Variants in SIK3 observed in about 807,000 individuals in gnomAD.
SIK3 encodes the protein SIK family kinase 3.
A neutral mutation model predicts 144.2 loss-of-function variants in SIK3; 28 were observed. That is an observed-to-expected ratio of 0.19 (90% CI 0.14 to 0.27). The LOEUF (loss-of-function observed/expected upper bound fraction) is 0.27, where lower values mean the gene tolerates loss of function less well. SIK3 is among the 10% of genes least tolerant of loss of function. SIK3 has a pLI of 1.00. For missense variants in SIK3, 1,319 were observed against 1,776.0 expected, an observed-to-expected ratio of 0.74 and a Z score of 4.62; for synonymous variants, 686 against 676.3, an observed-to-expected ratio of 1.01 and a Z score of -0.22.
intron 3 of SIK3, among the ~76,000 whole-genome samples, chr11:116,944,413 G>A (rs1231113210): frequency 2.0e-5 from 3 of 152,120 alleles, no homozygotes; most frequent in Non-Finnish European, 4.4e-5. Context: ...TTGACGTGTG[G>A]GCTTTGGGTC....
intron 1 of SIK3, among the ~76,000 whole-genome samples, chr11:117,079,562 A>C (rs59752757): frequency 0.056 from 8,536 of 152,244 alleles, 527 homozygotes; most frequent in African/African-American, 0.15. Flanking sequence ...CACAAAAATA[A>C]ATGTAAATTT....
chr11:117,024,095 T>C (rs1052055863), intron 1 of SIK3, among the ~76,000 whole-genome samples: 1 of 152,102 alleles, frequency 6.6e-6, no homozygotes, highest in African/African-American at 2.4e-5. Context: ...TTACTAGCCC[T>C]GTAAAATCAT....
intron 1 of SIK3, among the ~76,000 whole-genome samples, chr11:117,078,287 C>A (rs1402869809): frequency 6.6e-6 from 1 of 152,088 alleles, no homozygotes; most frequent in Admixed American, 6.6e-5. Flanking sequence ...GATTATTCAG[C>A]AATGTTATCT....
At chr11:116,909,015 A>C (rs1946200037) in intron 4 of SIK3, among the ~76,000 whole-genome samples, 1 of 152,224 alleles carries the variant, frequency 6.6e-6, no homozygotes, top group Admixed American at 6.5e-5. Context: ...TCTGCTTTTA[A>C]AATAGCTATT....
At chr11:116,936,787 C>T (rs57984795) in intron 3 of SIK3, among the ~76,000 whole-genome samples, 2,160 of 152,264 alleles carry the variant, frequency 0.014, 65 homozygotes, top group African/African-American at 0.049. Context: ...AATCTCACAG[C>T]CTACAATATA....
chr11:117,086,890 G>A (rs1407677399), intron 1 of SIK3, among the ~76,000 whole-genome samples: 3 of 151,496 alleles, frequency 2.0e-5, no homozygotes, highest in African/African-American at 7.3e-5. Flanking sequence ...AGCTACTGAG[G>A]AGGCTGAGGC....
At chr11:117,033,719 A>G (rs938733282) in intron 1 of SIK3, among the ~76,000 whole-genome samples, 17 of 151,596 alleles carry the variant, frequency 1.1e-4, no homozygotes, top group Admixed American at 4.6e-4. Context: ...AAAAAAAAAA[A>G]AAAAAGAAAG....
At chr11:116,891,630 A>C (rs1252757954) in intron 6 of SIK3, among the ~76,000 whole-genome samples, 1 of 152,162 alleles carries the variant, frequency 6.6e-6, no homozygotes, top group Non-Finnish European at 1.5e-5. Context: ...TTCAGGCTAG[A>C]AAATGATATA....
At position 116,875,266 on chromosome 11, in the gene SIK3, G is replaced by T; in HGVS notation, c.1319C>A (p.Pro440Gln). 2 of 1,613,990 alleles carry T rather than the reference G, an allele frequency of 1.2e-6. No individual in the cohort carries two copies. ...LINPENQIVE[P>Q]DGTLNLDSDE... is the part of the protein sequence containing the mutation. Reference sequence around the variant, plus strand: ...ACTGTCCAAATTCAGTGTCCCATCCGGCTGAGGTGGAGGGAAACACCATCG... The same window carrying T: ...ACTGTCCAAATTCAGTGTCCCATCCTGCTGAGGTGGAGGGAAACACCATCG... Residue 440 changes from proline to glutamine, a missense_variant and splice_region_variant, in exon 11 of 25, where the codon CCG (proline) becomes CAG (glutamine). By Grantham distance (76) the Pro-to-Gln change is moderately conservative. Around this residue, in one of 8 missense-constraint regions of SIK3, gnomAD observed 167 missense variants for 263.3 expected, o/e 0.63. Coordinates refer to ENST00000445177, the MANE Select transcript of SIK3 (RefSeq NM_001366686.3).
intron 1 of SIK3, among the ~76,000 whole-genome samples, chr11:117,078,649 C>T (rs112367217): frequency 0.015 from 2,213 of 152,160 alleles, 55 homozygotes; most frequent in African/African-American, 0.049. Context: ...GCAATCCGCC[C>T]GCCTTGGCCT....
intron 1 of SIK3, among the ~76,000 whole-genome samples, chr11:117,007,729 C>T (rs1033938366): frequency 2.6e-5 from 4 of 152,120 alleles, no homozygotes; most frequent in Admixed American, 2.0e-4. Flanking sequence ...ATTAGATGAA[C>T]TGTAAGAGTT....
chr11:116,972,409 A>G (rs1949795732), intron 1 of SIK3, among the ~76,000 whole-genome samples: 1 of 152,150 alleles, frequency 6.6e-6, no homozygotes, highest in African/African-American at 2.4e-5. Context: ...ACTTTAGCAA[A>G]ATTTTGAAAC....
chr11:116,988,023 T>C (rs1950378578), intron 1 of SIK3, among the ~76,000 whole-genome samples: 1 of 152,216 alleles, frequency 6.6e-6, no homozygotes, highest in South Asian at 2.1e-4. Context: ...AAATTTCTTA[T>C]TCTAACCTAA....
intron 1 of SIK3, among the ~76,000 whole-genome samples, chr11:117,075,593 G>C (rs1163282769): frequency 1.4e-5 from 2 of 147,816 alleles, no homozygotes; most frequent in East Asian, 3.9e-4. Context: ...CCAGGCTGGA[G>C]TGCAGTGGCA....
intron 1 of SIK3, among the ~76,000 whole-genome samples, chr11:117,015,162 T>C (rs1011012570): frequency 6.6e-6 from 1 of 152,156 alleles, no homozygotes; most frequent in African/African-American, 2.4e-5. Flanking sequence ...TGCAAAAGAC[T>C]TGAATATCAC....
chr11:116,908,928 G>A (rs982225569), intron 4 of SIK3, among the ~76,000 whole-genome samples: 1 of 152,176 alleles, frequency 6.6e-6, no homozygotes, highest in Admixed American at 6.5e-5. Context: ...TAATGTTTAA[G>A]AGTATACCAG....
chr11:116,955,539 C>A (rs1481123192), intron 2 of SIK3, among the ~76,000 whole-genome samples: 1 of 152,212 alleles, frequency 6.6e-6, no homozygotes, highest in African/African-American at 2.4e-5. Context: ...GTAAGACAGG[C>A]AAACTTGCAG....
intron 1 of SIK3, among the ~76,000 whole-genome samples, chr11:117,089,267 C>T (rs1165921496): frequency 6.6e-6 from 1 of 152,026 alleles, no homozygotes; most frequent in South Asian, 2.1e-4. Context: ...ATTAGCTGGG[C>T]GTGGCGGCAG....
chr11:116,927,752 AT>A (rs1238828184), intron 3 of SIK3, among the ~76,000 whole-genome samples: 1 of 152,170 alleles, frequency 6.6e-6, no homozygotes, highest in East Asian at 1.9e-4. Context: ...TATCAGAAAT[AT>A]TTCCTGTGTT....
Sources: gnomAD v4.1 joint callset for allele counts (sites outside exome capture counted in the v4.1 genomes callset) on GRCh38, gnomAD v4.1.1 for gene constraint, gnomAD v4.1.1 regional missense constraint, MANE v1.5 for transcripts, NCBI Gene and HGNC (gene_info 2026-07-23, HGNC 2026-07-21) for gene names.